ARHGAP42: variants seen among roughly 807,000 people sequenced by gnomAD.
The protein encoded by ARHGAP42 is Rho GTPase activating protein 42, also known as rho GTPase-activating protein 42.
A neutral mutation model predicts 125.0 loss-of-function variants in ARHGAP42; 63 were observed. The ratio of observed to expected loss-of-function variants is 0.50; its 90% CI spans 0.41 to 0.62. The LOEUF (loss-of-function observed/expected upper bound fraction) is 0.62, where lower values mean the gene tolerates loss of function less well. ARHGAP42 is among the 20% of genes least tolerant of loss of function. ARHGAP42 has a pLI of 0.00. For synonymous variants in ARHGAP42, 339 were observed against 351.0 expected, an observed-to-expected ratio of 0.97 and a Z score of 0.38; for missense variants, 766 against 1,024.2, an observed-to-expected ratio of 0.75 and a Z score of 3.44.
intron 4 of ARHGAP42, among the ~76,000 whole-genome samples, chr11:100,873,818 G>C (rs1396072628): frequency 1.3e-5 from 2 of 152,170 alleles, no homozygotes; most frequent in African/African-American, 4.8e-5. Context: ...GTAACTACCA[G>C]AGCAGGGATT....
At chr11:100,939,944 C>G (rs968619732) in intron 8 of ARHGAP42, among the ~76,000 whole-genome samples, 1 of 152,112 alleles carries the variant, frequency 6.6e-6, no homozygotes, top group African/African-American at 2.4e-5. Context: ...TATATTGCTA[C>G]CTACATAATG....
At chr11:100,867,268 C>T (rs745334535) in intron 4 of ARHGAP42, among the ~76,000 whole-genome samples, 3 of 152,200 alleles carry the variant, frequency 2.0e-5, no homozygotes, top group Non-Finnish European at 4.4e-5. Flanking sequence ...ATTGACTTCT[C>T]TTCTCTAGCT....
At chr11:100,816,174 G>C (rs1433773019) in intron 3 of ARHGAP42, among the ~76,000 whole-genome samples, 1 of 152,192 alleles carries the variant, frequency 6.6e-6, no homozygotes, top group Non-Finnish European at 1.5e-5. Context: ...CCAGAAAGTA[G>C]TATTGTTGGA....
chr11:100,746,552 A>C (rs1318368177), intron 1 of ARHGAP42, among the ~76,000 whole-genome samples: 1 of 152,202 alleles, frequency 6.6e-6, no homozygotes, highest in Non-Finnish European at 1.5e-5. Context: ...TTACATCTTT[A>C]CACCCTGTTT....
intron 18 of ARHGAP42, 41 bp from the exon 19 acceptor site, chr11:100,974,418 T>A (rs541083540): frequency 3.6e-5 from 56 of 1,534,496 alleles, no homozygotes; most frequent in Non-Finnish European, 4.9e-5. Context: ...AGTGGCAATA[T>A]CACCCTTTTA....
chr11:100,800,186 A>G (rs556462732), intron 3 of ARHGAP42, among the ~76,000 whole-genome samples: 1 of 152,342 alleles, frequency 6.6e-6, no homozygotes, highest in East Asian at 1.9e-4. Context: ...GGCTCAGAAG[A>G]CAATGGTGCT....
intron 1 of ARHGAP42, among the ~76,000 whole-genome samples, chr11:100,762,346 G>A (rs1203238808): frequency 6.6e-6 from 1 of 152,126 alleles, no homozygotes; most frequent in Non-Finnish European, 1.5e-5. Context: ...ATTTTCAGGG[G>A]AATGAAGAAC....
chr11:100,819,259 G>A (rs1018864964), intron 3 of ARHGAP42, among the ~76,000 whole-genome samples: 2 of 152,140 alleles, frequency 1.3e-5, no homozygotes, highest in Non-Finnish European at 2.9e-5. Flanking sequence ...TAGTCAGAAG[G>A]CTATTGTATT....
rs1271237018 is a variant in ARHGAP42 at position 100,973,311 on chromosome 11, A to G, written c.1687A>G (p.Ile563Val). Residue 563 changes from isoleucine (I) to valine (V), a missense_variant, in exon 18 of 24, where the codon ATT (isoleucine) becomes GTT (valine). This residue lies in a region of ARHGAP42 where 308 missense variants were observed against 369.7 expected (regional missense o/e 0.83). Transcript: ENST00000298815. The part of the protein sequence containing the change: ...NIKFQNIVVE[I>V]LIEHYEKIFH... The stretch of plus-strand genomic sequence containing the variant: ...TAAATTTCAGAATATTGTGGTAGAA[A>G]TTCTGATAGAGCACTATGAAAAGGT... 6.4e-7 allele frequency: 1 copy of G among 1,550,636 alleles called. No homozygotes were observed. Among genetic ancestry groups the G allele is most frequent in the African/African-American group, 1.4e-5 (1 of 73,002 alleles).
chr11:100,780,876 G>C (rs749771743), intron 2 of ARHGAP42, among the ~76,000 whole-genome samples: 5 of 152,206 alleles, frequency 3.3e-5, no homozygotes, highest in Non-Finnish European at 7.4e-5. Flanking sequence ...ATTATGCTAA[G>C]AGAACATAGT....
At chr11:100,690,659 C>CAT (rs1352625541) in intron 1 of ARHGAP42, among the ~76,000 whole-genome samples, 5 of 152,034 alleles carry the variant, frequency 3.3e-5, no homozygotes, top group Non-Finnish European at 5.9e-5. Context: ...TGCAGTGGTG[C>CAT]GATCTCGGCT....
At chr11:100,891,496 G>A (rs921548061) in intron 4 of ARHGAP42, among the ~76,000 whole-genome samples, 1 of 142,328 alleles carries the variant, frequency 7.0e-6, no homozygotes, top group African/African-American at 2.6e-5. Context: ...AGGCTGGAGT[G>A]CAATGGTGCA....
intron 1 of ARHGAP42, among the ~76,000 whole-genome samples, chr11:100,694,025 C>T (rs957889199): frequency 1.3e-5 from 2 of 151,828 alleles, no homozygotes; most frequent in African/African-American, 4.8e-5. Flanking sequence ...TCTGCCTCCC[C>T]GGTTCAAGCA....
chr11:100,941,717 A>T (rs1444286257), intron 8 of ARHGAP42, 67 bp from the exon 9 acceptor site: 1 of 931,342 alleles, frequency 1.1e-6, no homozygotes, highest in East Asian at 2.7e-5. Context: ...AGCACTGGAG[A>T]ATGTGCAAAC....
At chr11:100,905,879 G>A (rs767150372) in intron 4 of ARHGAP42, among the ~76,000 whole-genome samples, 7 of 152,172 alleles carry the variant, frequency 4.6e-5, no homozygotes, top group Non-Finnish European at 8.8e-5. Flanking sequence ...TCGGGAGGCC[G>A]AGGCACGGGA....
chr11:100,915,132 G>A (rs1026783221), intron 5 of ARHGAP42, among the ~76,000 whole-genome samples: 1 of 152,092 alleles, frequency 6.6e-6, no homozygotes, highest in Non-Finnish European at 1.5e-5. Context: ...TAAACTGATG[G>A]AAGACAATCT....
In ARHGAP42 at chr11:100,903,710, ATATATATATATAT is replaced by A. The variant is rs1490964411; in HGVS notation, c.385-9741_385-9729del. On this transcript the variant is annotated intron_variant, in intron 4 of 23. Transcript: ENST00000298815. ...TGTATATATATACATGTCCCTCAAA[ATATATATATATAT>A]ATATATATATATATATATATATATA... Among the ~76,000 whole-genome samples, 9 of 56,412 alleles carry A rather than the reference ATATATATATATAT, an allele frequency of 1.6e-4. 1 individual carries two copies. Among genetic ancestry groups the A allele is most frequent in the Admixed American group, 2.3e-4 (1 of 4,410 alleles). The allele number at this position is 56,412 out of a possible 152,430, so 37.0% of individuals were successfully genotyped here. A position where few individuals can be genotyped will look rare whatever the true frequency, so the allele number is the denominator to read the frequency against.
intron 3 of ARHGAP42, among the ~76,000 whole-genome samples, chr11:100,839,122 T>C (rs1240935780): frequency 6.6e-6 from 1 of 152,154 alleles, no homozygotes; most frequent in South Asian, 2.1e-4. Context: ...ACCACCTTTC[T>C]AGATATTAAG....
At chr11:100,902,680 C>T (rs575659882) in intron 4 of ARHGAP42, among the ~76,000 whole-genome samples, 9 of 151,986 alleles carry the variant, frequency 5.9e-5, no homozygotes, top group Non-Finnish European at 1.2e-4. Context: ...GTGCTCAAGG[C>T]CTGGTTCCAG....
Sources: gnomAD v4.1 joint callset for allele counts (sites outside exome capture counted in the v4.1 genomes callset) on GRCh38, gnomAD v4.1.1 for gene constraint, gnomAD v4.1.1 regional missense constraint, MANE v1.5 for transcripts, NCBI Gene and HGNC (gene_info 2026-07-23, HGNC 2026-07-21) for gene names.